The following P3H2 variants were observed in gnomAD, a reference collection of about 807,000 sequenced individuals.
The protein encoded by P3H2 is prolyl 3-hydroxylase 2.
P3H2 carries 80 observed loss-of-function variants against 87.0 expected under a neutral mutation model. That is an observed-to-expected ratio of 0.92 (90% CI 0.77 to 1.11). The LOEUF (loss-of-function observed/expected upper bound fraction) is 1.11, where lower values mean the gene tolerates loss of function less well. Ranked by LOEUF, P3H2 falls within the 50% of genes least tolerant of loss-of-function variation. The pLI is 0.00. For synonymous variants in P3H2, 367 were observed against 359.3 expected, an observed-to-expected ratio of 1.02 and a Z score of -0.24; for missense variants, 1,001 against 923.9, an observed-to-expected ratio of 1.08 and a Z score of -1.08.
intron 1 of P3H2, among the ~76,000 whole-genome samples, chr3:190,019,802 A>G (rs1449563127): frequency 1.1e-5 from 1 of 91,942 alleles, no homozygotes; most frequent in African/African-American, 3.2e-5. Context: ...ATATATATAT[A>G]TATATATATA....
chr3:190,031,597 A>C (rs1725255006), intron 1 of P3H2, among the ~76,000 whole-genome samples: 1 of 151,600 alleles, frequency 6.6e-6, no homozygotes, highest in African/African-American at 2.4e-5. Flanking sequence ...AGATCACACC[A>C]CTGCACTCCA....
intron 1 of P3H2, among the ~76,000 whole-genome samples, chr3:190,104,840 A>G (rs1711769155): frequency 6.6e-6 from 1 of 152,188 alleles, no homozygotes; most frequent in Admixed American, 6.5e-5. Flanking sequence ...TGTGGATATT[A>G]TTACTGCTAA....
intron 1 of P3H2, among the ~76,000 whole-genome samples, chr3:190,032,265 C>T (rs1725278248): frequency 6.6e-6 from 1 of 151,860 alleles, no homozygotes; most frequent in African/African-American, 2.4e-5. Flanking sequence ...TTTCAAAGCA[C>T]TATATTTCTG....
chr3:190,113,454 A>G (rs556968893), intron 1 of P3H2, among the ~76,000 whole-genome samples: 1,712 of 149,606 alleles, frequency 0.011, 14 homozygotes, highest in Non-Finnish European at 0.019. Flanking sequence ...CAAAGCAGTT[A>G]GTTGACTTGA....
chr3:190,032,126 T>TA (rs1239616157), intron 1 of P3H2, among the ~76,000 whole-genome samples: 5 of 152,206 alleles, frequency 3.3e-5, no homozygotes, highest in Non-Finnish European at 7.3e-5. Flanking sequence ...AGATGGAGGA[T>TA]ATGCTTCCTT....
At chr3:189,973,876 G>A (rs369670506) in intron 10 of P3H2, 33 bp downstream of exon 10, 35 of 1,513,414 alleles carry the variant, frequency 2.3e-5, no homozygotes, top group Non-Finnish European at 3.0e-5. Flanking sequence ...CTGACACTAA[G>A]GAACTCAAAC....
intron 13 of P3H2, among the ~76,000 whole-genome samples, chr3:189,965,094 G>C (rs1363845544): frequency 6.6e-6 from 1 of 152,204 alleles, no homozygotes; most frequent in Non-Finnish European, 1.5e-5. Context: ...CATTTTACTA[G>C]GTGAGAACAT....
chr3:190,048,946 G>C (rs1326929834), intron 1 of P3H2, among the ~76,000 whole-genome samples: 2 of 152,202 alleles, frequency 1.3e-5, no homozygotes, highest in African/African-American at 4.8e-5. Context: ...AATGTGTGTA[G>C]TTAGCATTTT....
chr3:189,973,282 A>G, intron 10 of P3H2: 1 of 441,634 alleles, frequency 2.3e-6, no homozygotes, highest in South Asian at 3.3e-5. Context: ...CTCTCTAACA[A>G]CCCTTCCTGC....
chr3:190,073,302 G>C (rs1425736431), intron 1 of P3H2, among the ~76,000 whole-genome samples: 1 of 152,206 alleles, frequency 6.6e-6, no homozygotes, highest in Non-Finnish European at 1.5e-5. Context: ...GGAAACCCAA[G>C]AGGTCATTTC....
chr3:190,012,674 T>C (rs1467674826), intron 1 of P3H2, among the ~76,000 whole-genome samples: 2 of 152,194 alleles, frequency 1.3e-5, no homozygotes, highest in African/African-American at 4.8e-5. Context: ...TTTCCTCTGC[T>C]ACGTCTTCCA....
intron 1 of P3H2, among the ~76,000 whole-genome samples, chr3:190,114,553 A>G (rs1024557546): frequency 2.6e-5 from 4 of 152,144 alleles, no homozygotes; most frequent in South Asian, 2.1e-4. Context: ...ACTGGTAAGG[A>G]GCTGACCAGG....
intron 1 of P3H2, among the ~76,000 whole-genome samples, chr3:190,017,040 C>G (rs1724777758): frequency 6.6e-6 from 1 of 152,194 alleles, no homozygotes; most frequent in Admixed American, 6.5e-5. Context: ...ATGTTTTTAT[C>G]ATGAGCTGCC....
chr3:190,090,401 A>C (rs2108985262), intron 1 of P3H2, among the ~76,000 whole-genome samples: 1 of 152,300 alleles, frequency 6.6e-6, no homozygotes, highest in African/African-American at 2.4e-5. Flanking sequence ...TTTTAGACTC[A>C]AAAAATATTT....
At position 190,041,279 on chromosome 3, in the gene P3H2, A is replaced by T. The variant is rs1289436978; in HGVS notation, c.481-45837T>A. On this transcript the variant is annotated intron_variant, in intron 1 of 14. Coordinates refer to ENST00000319332, the MANE Select transcript of P3H2 (RefSeq NM_018192.4). ...AACAAAGTGATAACCTGTCTTAAAA[A>T]AAAAAAAAAAAAAAAAAAGCACTAA... 7.6e-3 allele frequency among the ~76,000 whole-genome samples: 1,035 copies of T among 136,458 alleles called. 16 individuals carry two copies. The highest frequency in any genetic ancestry group is 0.021 in the African/African-American group (697 of 33,246). 89.5% of individuals were successfully genotyped at this position (136,458 alleles called of 152,430 possible). A position where few individuals can be genotyped will look rare whatever the true frequency, so the allele number is the denominator to read the frequency against.
chr3:190,114,100 G>T (rs1469862566), intron 1 of P3H2, among the ~76,000 whole-genome samples: 3 of 146,636 alleles, frequency 2.0e-5, no homozygotes, highest in Non-Finnish European at 4.5e-5. Flanking sequence ...AAAAAAAAAT[G>T]GCCAGGAAGG....
chr3:190,028,429 T>A (rs1374364155), intron 1 of P3H2, among the ~76,000 whole-genome samples: 2 of 152,256 alleles, frequency 1.3e-5, no homozygotes, highest in Middle Eastern at 3.4e-3. Flanking sequence ...TGAAGAGGTA[T>A]CCCAGCCAAA....
chr3:190,119,136 AGAGGGGAGGGGAGGGGAGGGGAGGG>A (rs1217756973), intron 1 of P3H2, among the ~76,000 whole-genome samples: 1 of 25,966 alleles, frequency 3.9e-5, no homozygotes, highest in Non-Finnish European at 7.8e-5. Flanking sequence ...AGAGGAGAGG[AGAGGGGAGGGGAGGGGAGGGGAGGG>A]GAGGGGAGGG....
At position 190,107,960 on chromosome 3, in the gene P3H2, A is replaced by G. The variant is rs141583862; in HGVS notation, c.480+12292T>C. On this transcript the variant is annotated intron_variant, in intron 1 of 14. Coordinates refer to ENST00000319332, the MANE Select transcript of P3H2 (RefSeq NM_018192.4). ...TTTTTCCTAAGTATTAAAAATTACC[A>G]GTATTTTATTTTTACTTATTTTTTT... Among the ~76,000 whole-genome samples, 652 of 151,658 alleles carry G rather than the reference A, an allele frequency of 4.3e-3. 4 individuals carry two copies. The highest frequency in any genetic ancestry group is 0.015 in the African/African-American group (632 of 41,210).
Sources: gnomAD v4.1 joint callset for allele counts (sites outside exome capture counted in the v4.1 genomes callset) on GRCh38, gnomAD v4.1.1 for gene constraint, MANE v1.5 for transcripts, NCBI Gene and HGNC (gene_info 2026-07-23, HGNC 2026-07-21) for gene names.